The following ARHGAP6 variants were observed in gnomAD, a reference collection of about 807,000 sequenced individuals.
The protein encoded by ARHGAP6 is rho GTPase-activating protein 6.
Under a neutral mutation model 55.7 loss-of-function variants are expected in ARHGAP6, and 16 were observed. The ratio of observed to expected loss-of-function variants is 0.29; its 90% confidence interval spans 0.19 to 0.44. The LOEUF (loss-of-function observed/expected upper bound fraction) is 0.44, where lower values mean the gene tolerates loss of function less well. Ranked by LOEUF, ARHGAP6 falls within the 20% of genes least tolerant of loss-of-function variation. The probability of loss-of-function intolerance (pLI) is 1.00; values close to 1 mark genes in which losing one functional copy is unlikely to be tolerated. For missense variants in ARHGAP6, 698 were observed against 808.9 expected (o/e 0.86, Z 1.66); for synonymous variants, 382 against 360.9 (o/e 1.06, Z -0.66).
intron 1 of ARHGAP6, among the ~76,000 whole-genome samples, chrX:11,521,545 G>A (rs143657375): frequency 0.013 from 1,454 of 112,011 alleles, 25 homozygotes; most frequent in African/African-American, 0.045. Context: ...GTACCATGCT[G>A]TTTTGGTTAC....
chrX:11,637,955 C>T (rs1433336578), intron 1 of ARHGAP6, among the ~76,000 whole-genome samples: 1 of 111,014 alleles, frequency 9.0e-6, no homozygotes, highest in Non-Finnish European at 1.9e-5. Context: ...TTTATCAAAA[C>T]AATATGGTCA....
At chrX:11,599,064 CATAAATAAATAA>C (rs201156172) in intron 1 of ARHGAP6, among the ~76,000 whole-genome samples, 1 of 110,677 alleles carries the variant, frequency 9.0e-6, no homozygotes, top group Non-Finnish European at 1.9e-5. Flanking sequence ...TCTCCAAATA[CATAAATAAATAA>C]ATAAATAAAG....
intron 1 of ARHGAP6, among the ~76,000 whole-genome samples, chrX:11,414,577 G>T (rs922471159): frequency 3.6e-5 from 4 of 109,608 alleles, no homozygotes; most frequent in South Asian, 3.9e-4. Flanking sequence ...CTTGGCAACT[G>T]TTCAATCAAG....
rs183773781 is a variant in ARHGAP6, at chrX:11,305,636, G to A, written c.589-50929C>T. On this transcript the variant is annotated intron_variant, in intron 1 of 12. Coordinates refer to ENST00000337414, the MANE Select transcript of ARHGAP6 (RefSeq NM_013427.3). ...AGGAGAAAATAATAAATTTAGCCAT[G>A]AGTGTAACTACTGAATTCAAGGTTA... 5.6e-3 allele frequency among the ~76,000 whole-genome samples: 628 copies of A among 111,791 alleles called. 2 individuals carry two copies. Among genetic ancestry groups the A allele is most frequent in the Non-Finnish European group, 8.1e-3 (433 of 53,164 alleles).
intron 1 of ARHGAP6, among the ~76,000 whole-genome samples, chrX:11,313,910 T>C (rs1041834874): frequency 4.5e-5 from 5 of 112,284 alleles, no homozygotes; most frequent in African/African-American, 1.6e-4. Flanking sequence ...TACTTTTTGT[T>C]AAAAGTGAGT....
intron 1 of ARHGAP6, among the ~76,000 whole-genome samples, chrX:11,660,072 G>A (rs1050306941): frequency 1.8e-5 from 2 of 111,520 alleles, no homozygotes; most frequent in African/African-American, 6.5e-5. Context: ...GAGACGCTTC[G>A]TAATTACCAC....
At chrX:11,157,589 T>C (rs1415341933) in intron 9 of ARHGAP6, among the ~76,000 whole-genome samples, 1 of 112,312 alleles carries the variant, frequency 8.9e-6, no homozygotes, top group African/African-American at 3.2e-5. Context: ...TAGAAGCTGA[T>C]AGCTCAACCA....
chrX:11,501,576 G>A (rs2050678096), intron 1 of ARHGAP6, among the ~76,000 whole-genome samples: 1 of 111,590 alleles, frequency 9.0e-6, no homozygotes, highest in Non-Finnish European at 1.9e-5. Context: ...TCAAAAATCT[G>A]TGTATAACTT....
chrX:11,631,625 A>G (rs1177124190), intron 1 of ARHGAP6, among the ~76,000 whole-genome samples: 1 of 111,586 alleles, frequency 9.0e-6, no homozygotes, highest in African/African-American at 3.3e-5. Context: ...ATCACAAACT[A>G]CGGGCAAAGG....
chrX:11,267,101 T>G (rs1029397848), intron 1 of ARHGAP6, among the ~76,000 whole-genome samples: 1 of 112,195 alleles, frequency 8.9e-6, no homozygotes, highest in African/African-American at 3.2e-5. Flanking sequence ...ACAGTCAACA[T>G]GGCTCATACT....
chrX:11,314,347 A>G (rs1458981208), intron 1 of ARHGAP6, among the ~76,000 whole-genome samples: 1 of 112,187 alleles, frequency 8.9e-6, no homozygotes, highest in African/African-American at 3.2e-5. Flanking sequence ...GTCCAGTCCC[A>G]AATTGATCAT....
intron 1 of ARHGAP6, among the ~76,000 whole-genome samples, chrX:11,595,247 G>T (rs998744338): frequency 2.4e-4 from 25 of 106,210 alleles, no homozygotes; most frequent in Middle Eastern, 4.3e-3. Context: ...CCAAGATTGT[G>T]CCATTGCACT....
chrX:11,369,445 G>T (rs2049119810), intron 1 of ARHGAP6, among the ~76,000 whole-genome samples: 1 of 110,657 alleles, frequency 9.0e-6, no homozygotes, highest in Admixed American at 9.7e-5. Context: ...ATGACTTAGA[G>T]CCCAGCTATT....
intron 1 of ARHGAP6, among the ~76,000 whole-genome samples, chrX:11,439,366 C>T (rs2050019132): frequency 8.9e-6 from 1 of 112,300 alleles, no homozygotes; most frequent in African/African-American, 3.2e-5. Flanking sequence ...AACATAGTCA[C>T]ACCCATTCGT....
chrX:11,236,441 A>G (rs1349610297), intron 2 of ARHGAP6, among the ~76,000 whole-genome samples: 1 of 111,283 alleles, frequency 9.0e-6, no homozygotes, highest in Non-Finnish European at 1.9e-5. Context: ...GCCAAACCAT[A>G]TCATGCTCTA....
intron 1 of ARHGAP6, among the ~76,000 whole-genome samples, chrX:11,476,223 C>T (rs1419401767): frequency 9.0e-6 from 1 of 110,606 alleles, no homozygotes; most frequent in Non-Finnish European, 1.9e-5. Context: ...GGTTAATATC[C>T]AAAACCAACT....
intron 12 of ARHGAP6, among the ~76,000 whole-genome samples, chrX:11,140,186 G>C (rs1179066116): frequency 5.3e-5 from 5 of 94,380 alleles, no homozygotes; most frequent in African/African-American, 1.9e-4. Flanking sequence ...TTCTAGGCCT[G>C]AACTAAAAAA....
intron 2 of ARHGAP6, among the ~76,000 whole-genome samples, chrX:11,208,768 G>A (rs2046745741): frequency 1.8e-5 from 2 of 111,965 alleles, no homozygotes; most frequent in African/African-American, 3.2e-5. Flanking sequence ...AGTCTGCCAT[G>A]ACTACACGCC....
chrX:11,642,820 A>G (rs138318738), intron 1 of ARHGAP6, among the ~76,000 whole-genome samples: 2 of 111,446 alleles, frequency 1.8e-5, no homozygotes, highest in African/African-American at 3.2e-5. Context: ...TAATGGGCAC[A>G]AGGTTTCTTC....
Sources: allele counts gnomAD v4.1 joint callset (sites outside exome capture counted in the v4.1 genomes callset), GRCh38; gene constraint gnomAD v4.1.1; transcripts MANE v1.5; gene names NCBI Gene and HGNC (gene_info 2026-07-23, HGNC 2026-07-21).